The following ALMS1 variants were observed in gnomAD, a reference collection of about 807,000 sequenced individuals.
ALMS1 encodes the protein ALMS1 centrosome and basal body associated protein, also known as centrosome-associated protein ALMS1.
A neutral mutation model predicts 352.2 loss-of-function variants in ALMS1; 271 were observed. The ratio of observed to expected loss-of-function variants is 0.77; its 90% confidence interval spans 0.70 to 0.85. The LOEUF (loss-of-function observed/expected upper bound fraction) is 0.85, where lower values mean the gene tolerates loss of function less well. Among genes scored for constraint, ALMS1 ranks in the 40% least tolerant of loss-of-function variants. ALMS1 has a pLI of 0.00. For missense variants in ALMS1, 5,445 were observed against 4,870.7 expected, an observed-to-expected ratio of 1.12 and a Z score of -3.51; for synonymous variants, 1,865 against 1,761.2, an observed-to-expected ratio of 1.06 and a Z score of -1.48.
At position 73,455,220 on chromosome 2, in the gene ALMS1, T is replaced by G. The variant is rs1268349432; in HGVS notation, c.7599T>G (p.Asn2533Lys). Residue 2533 changes from asparagine (N) to lysine (K), a missense_variant, in exon 9 of 23, where the codon AAT becomes AAG. By Grantham distance (94) the Asn-to-Lys change is moderately conservative (BLOSUM62 0). Coordinates refer to ENST00000613296, the MANE Select transcript of ALMS1 (RefSeq NM_001378454.1). ...GTGGATACTCCATTTCAGAATTAAATGAAGATGACAGGAGGAAAGTAGAAG... is the reference window on the plus strand; with the variant it reads ...GTGGATACTCCATTTCAGAATTAAAGGAAGATGACAGGAGGAAAGTAGAAG... ...HDCGYSISEL[N>K]EDDRRKVEEI... 3.7e-6 allele frequency: 6 copies of G among 1,613,786 alleles called. No homozygotes were observed. The highest frequency in any genetic ancestry group is 5.1e-6 in the Non-Finnish European group (6 of 1,179,928).
At chr2:73,511,688 T>C (rs115922589) in intron 10 of ALMS1, among the ~76,000 whole-genome samples, 5,257 of 152,216 alleles carry the variant, frequency 0.035, 313 homozygotes, top group African/African-American at 0.12. Flanking sequence ...TGACAGTGGG[T>C]CTCAACTAGG....
In ALMS1 at chr2:73,426,559, A is replaced by G; in HGVS notation, c.1338+6A>G. On this transcript the variant is annotated splice_donor_region_variant and intron_variant, in intron 6 of 22. Transcript: ENST00000613296. ...TTGCTGAACTACAAAGAAAGGTGAG[A>G]CACAATAAAATGATAGTTGTAAGAA... The G allele has an allele frequency of 6.2e-7, 1 of 1,612,992 alleles. No individual in the cohort carries two copies. Among genetic ancestry groups the G allele is most frequent in the Non-Finnish European group, 8.5e-7 (1 of 1,178,924 alleles).
chr2:73,471,182 G>C (rs1476962817), intron 9 of ALMS1, among the ~76,000 whole-genome samples: 2 of 148,456 alleles, frequency 1.3e-5, no homozygotes, highest in Non-Finnish European at 3.0e-5. Flanking sequence ...GTCCTCTCTT[G>C]CTGTCTTCCT....
intron 11 of ALMS1, among the ~76,000 whole-genome samples, chr2:73,522,077 A>G (rs755841933): frequency 6.6e-6 from 1 of 152,128 alleles, no homozygotes; most frequent in East Asian, 1.9e-4. Flanking sequence ...ATTATTTGCT[A>G]TGTATTCACT....
chr2:73,466,267 A>G (rs1350291552), intron 9 of ALMS1, among the ~76,000 whole-genome samples: 1 of 152,134 alleles, frequency 6.6e-6, no homozygotes, highest in Admixed American at 6.5e-5. Context: ...GGATTAAGAA[A>G]ATGTGGCACA....
intron 9 of ALMS1, among the ~76,000 whole-genome samples, chr2:73,477,458 G>C (rs1672606131): frequency 6.6e-6 from 1 of 151,568 alleles, no homozygotes; most frequent in African/African-American, 2.4e-5. Flanking sequence ...AGATTATTTT[G>C]GCTGTTCTGG....
chr2:73,520,827 A>G (rs1673660080), intron 11 of ALMS1, among the ~76,000 whole-genome samples: 1 of 152,182 alleles, frequency 6.6e-6, no homozygotes, highest in Non-Finnish European at 1.5e-5. Flanking sequence ...ATTAGACCAA[A>G]TTGTAAATTA....
chr2:73,549,775 C>T (rs1019223676), intron 12 of ALMS1, among the ~76,000 whole-genome samples: 1 of 152,192 alleles, frequency 6.6e-6, no homozygotes, highest in Non-Finnish European at 1.5e-5. Context: ...ATTTATTTTA[C>T]ATGGCTTACA....
rs34032338 is a variant in ALMS1, at chr2:73,535,258, G to A, written c.9907+309G>A. 0.053 allele frequency among the ~76,000 whole-genome samples: 8,104 copies of A among 151,926 alleles called. 616 individuals are homozygous for A. The highest frequency in any genetic ancestry group is 0.41 in the East Asian group (2,129 of 5,174). On this transcript the variant is annotated intron_variant, in intron 12 of 22. Coordinates refer to ENST00000613296, the MANE Select transcript of ALMS1 (RefSeq NM_001378454.1). Reference sequence around the variant, plus strand: ...GTTGTTTCACTGATTTATTTTCTCCGCTTTATATATAATAAGCAATTATTT... The same window carrying A: ...GTTGTTTCACTGATTTATTTTCTCCACTTTATATATAATAAGCAATTATTT...
intron 9 of ALMS1, among the ~76,000 whole-genome samples, chr2:73,488,924 G>A (rs1672915580): frequency 6.6e-6 from 1 of 152,158 alleles, no homozygotes; most frequent in Non-Finnish European, 1.5e-5. Flanking sequence ...ATATTAGGAT[G>A]TAGGTCAAGC....
At chr2:73,414,473 G>GTTTTTTTTT (rs61660489) in intron 2 of ALMS1, among the ~76,000 whole-genome samples, 7 of 66,414 alleles carry the variant, frequency 1.1e-4, no homozygotes, top group African/African-American at 1.7e-4. Flanking sequence ...CTTTTTTTCC[G>GTTTTTTTTT]TTTTTTTTTT....
intron 9 of ALMS1, among the ~76,000 whole-genome samples, chr2:73,474,388 T>TGG (rs1182117438): frequency 2.0e-5 from 1 of 48,900 alleles, no homozygotes; most frequent in Non-Finnish European, 4.5e-5. Flanking sequence ...TGTGTGTGTG[T>TGG]GTGTGTGTGT....
intron 7 of ALMS1, among the ~76,000 whole-genome samples, chr2:73,435,711 C>G (rs1671592104): frequency 6.6e-6 from 1 of 152,012 alleles, no homozygotes; most frequent in Admixed American, 6.6e-5. Context: ...CCTGCCTCAG[C>G]CTCCTCTGTT....
intron 10 of ALMS1, among the ~76,000 whole-genome samples, chr2:73,498,931 C>G (rs1216210623): frequency 6.6e-6 from 1 of 152,090 alleles, no homozygotes; most frequent in Admixed American, 6.6e-5. Context: ...CTTCCATATA[C>G]TGATTTCCTT....
At chr2:73,489,484 T>G (rs1334045358) in intron 9 of ALMS1, 150 bp from the exon 10 acceptor site, 1 of 852,806 alleles carries the variant, frequency 1.2e-6, no homozygotes, top group South Asian at 1.7e-5. Context: ...TTTTGCTTGC[T>G]GTGCTCTTTG....
At chr2:73,480,867 A>G (rs1299514449) in intron 9 of ALMS1, among the ~76,000 whole-genome samples, 3 of 150,626 alleles carry the variant, frequency 2.0e-5, no homozygotes, top group African/African-American at 7.4e-5. Context: ...GTCTGCATAA[A>G]TGTCTTCTTT....
In ALMS1 at chr2:73,517,246, C is replaced by CTTTTTTTTTTTTTTTTTTTT. The variant is rs770879267; in HGVS notation, c.9540-2512_9540-2511insTTTTTTTTTTTTTTTTTTTT. Among the ~76,000 whole-genome samples, 33 of 104,960 alleles carry CTTTTTTTTTTTTTTTTTTTT rather than the reference C, an allele frequency of 3.1e-4. 4 individuals are homozygous for CTTTTTTTTTTTTTTTTTTTT. The highest frequency in any genetic ancestry group is 7.5e-4 in the African/African-American group (16 of 21,254). 68.9% of individuals were successfully genotyped at this position (104,960 alleles called of 152,430 possible). A position where few individuals can be genotyped will look rare whatever the true frequency, so the allele number is the denominator to read the frequency against. On this transcript the variant is annotated intron_variant, in intron 10 of 22. Transcript: ENST00000613296. Reference sequence around the variant, plus strand: ...CAAGTGATTTTTTGAAAGTTTTAGTCTTTTTTTTTTTTTTTTTCTTATAGA... The same window carrying CTTTTTTTTTTTTTTTTTTTT: ...CAAGTGATTTTTTGAAAGTTTTAGTCTTTTTTTTTTTTTTTTTTTTTTTTTTTTTTTTTTTTTCTTATAGA...
At position 73,489,907 on chromosome 2, in the gene ALMS1, A is replaced by G. The variant is rs567474729; in HGVS notation, c.7948A>G (p.Ser2650Gly). ...FKVWNSLQLKSHSPFQNFIPD... is the reference protein window; with the variant it reads ...FKVWNSLQLKGHSPFQNFIPD... ...AGTTTGGAATTCCTTGCAGTTAAAAAGTCATTCCCCATTTCAGAACTTTAT... is the reference window on the plus strand; with the variant it reads ...AGTTTGGAATTCCTTGCAGTTAAAAGGTCATTCCCCATTTCAGAACTTTAT... The change falls in exon 10 of 23, where the codon AGT becomes GGT. Residue 2650 changes from serine (S) to glycine (G), a missense_variant. Transcript: ENST00000613296. 5 of 1,614,224 alleles carry G rather than the reference A, an allele frequency of 3.1e-6. No individual in the cohort carries two copies. In the African/African-American group the frequency reaches 6.7e-5, roughly 22 times the overall value.
chr2:73,415,366 G>GA (rs1237412015), intron 2 of ALMS1, among the ~76,000 whole-genome samples: 2 of 152,126 alleles, frequency 1.3e-5, no homozygotes, highest in African/African-American at 4.8e-5. Flanking sequence ...AGTAATGAGA[G>GA]AAAAATGGGT....
Sources: gnomAD v4.1 joint callset for allele counts (sites outside exome capture counted in the v4.1 genomes callset) on GRCh38, gnomAD v4.1.1 for gene constraint, MANE v1.5 for transcripts, NCBI Gene and HGNC (gene_info 2026-07-23, HGNC 2026-07-21) for gene names.